Variants in ITGA4 observed in about 807,000 individuals in gnomAD.
ITGA4 encodes the protein integrin subunit alpha 4.
In ITGA4, 63 loss-of-function variants were observed where a neutral mutation model predicts 133.6. The ratio of observed to expected loss-of-function variants is 0.47; its 90% confidence interval spans 0.38 to 0.58. The LOEUF (loss-of-function observed/expected upper bound fraction) is 0.58, where lower values mean the gene tolerates loss of function less well. Among genes scored for constraint, ITGA4 ranks in the 20% least tolerant of loss-of-function variants. The pLI, the probability that ITGA4 is intolerant of heterozygous loss-of-function variation, is 0.00. For synonymous variants in ITGA4, 483 were observed against 438.0 expected (o/e 1.10, Z -1.28); for missense variants, 1,076 against 1,252.7 (o/e 0.86, Z 2.13).
At chr2:181,475,709 T>G in intron 4 of ITGA4, 1 of 1,391,982 alleles carries the variant, frequency 7.2e-7, no homozygotes, top group Non-Finnish European at 9.6e-7. Flanking sequence ...TAAGCAAATC[T>G]TTCATTCGCA....
chr2:181,523,263 C>T lies in ITGA4; in HGVS notation c.2074-174C>T, dbSNP rs950242532. ...ATACACATACATATATACACACATG[C>T]ACACATATTTATATCATATGTCTAT... On this transcript the variant is annotated intron_variant, in intron 18 of 27. Transcript: ENST00000397033. The surrounding 1 kb of genome is among the most constrained non-coding windows in gnomAD (Gnocchi z 4.2). 9 of 524,326 alleles carry T rather than the reference C, an allele frequency of 1.7e-5. No homozygotes were observed. The highest frequency in any genetic ancestry group is 1.2e-4 in the African/African-American group (6 of 51,890). 32.5% of individuals were successfully genotyped at this position (524,326 alleles called of 1,614,324 possible). A position where few individuals can be genotyped will look rare whatever the true frequency, so the allele number is the denominator to read the frequency against.
chr2:181,493,951 T>G (rs1686108427), intron 11 of ITGA4, among the ~76,000 whole-genome samples: 1 of 152,220 alleles, frequency 6.6e-6, no homozygotes, highest in Non-Finnish European at 1.5e-5. Context: ...GACATTCATA[T>G]GCAGAGAAGA....
intron 6 of ITGA4, among the ~76,000 whole-genome samples, chr2:181,480,495 A>G (rs1685778116): frequency 1.3e-5 from 2 of 152,130 alleles, no homozygotes; most frequent in South Asian, 4.1e-4. Context: ...AATTCTTAAT[A>G]GAACTCCTAG....
At position 181,537,795 on chromosome 2, in the gene ITGA4, T is replaced by C; in HGVS notation, c.*2268T>C. ...ACAGAATTTGAATTGATATTTCATC[T>C]TGACTTTTAAAGCCCTAGAGGCTAA... On this transcript the variant is annotated 3_prime_UTR_variant, in exon 28 of 28. Transcript: ENST00000397033. 1 of 461,858 alleles carries C rather than the reference T, an allele frequency of 2.2e-6. No individual in the cohort carries two copies. Among genetic ancestry groups the C allele is most frequent in the Non-Finnish European group, 4.3e-6 (1 of 233,626 alleles). 28.6% of individuals were successfully genotyped at this position (461,858 alleles called of 1,614,324 possible). A position where few individuals can be genotyped will look rare whatever the true frequency, so the allele number is the denominator to read the frequency against.
rs114784987 is a variant in ITGA4 at position 181,538,537 on chromosome 2, T to G, written c.*3010T>G. Among the ~76,000 whole-genome samples the G allele has an allele frequency of 9.6e-3, 1,455 of 152,266 alleles. 27 individuals are homozygous for G. Among genetic ancestry groups the G allele is most frequent in the African/African-American group, 0.033 (1,367 of 41,558 alleles). On this transcript the variant is annotated 3_prime_UTR_variant, in exon 28 of 28. Coordinates refer to ENST00000397033, the MANE Select transcript of ITGA4 (RefSeq NM_000885.6). ...TGTCTAGTGGGCACCCCTGCATGCTTCTTCTAACCACTGAGTGTCACAATG... is the reference window on the plus strand; with the variant it reads ...TGTCTAGTGGGCACCCCTGCATGCTGCTTCTAACCACTGAGTGTCACAATG...
chr2:181,524,419 A>G (rs1320236294), intron 20 of ITGA4, 169 bp downstream of exon 20: 6 of 505,588 alleles, frequency 1.2e-5, no homozygotes, highest in East Asian at 3.4e-5. Context: ...GTTACTGGCA[A>G]TGTTTTAGCT....
intron 2 of ITGA4, among the ~76,000 whole-genome samples, chr2:181,468,492 T>A (rs1235148691): frequency 6.6e-6 from 1 of 152,164 alleles, no homozygotes; most frequent in East Asian, 1.9e-4. Context: ...GCTGTGGGAA[T>A]GCTGCTGTCA....
rs887327268 is a variant in ITGA4, at chr2:181,525,172, A to T, written c.2250-30A>T. 2.3e-6 allele frequency: 3 copies of T among 1,287,198 alleles called. No homozygotes were observed. The African/African-American group carries it at 4.4e-5, about 19-fold the overall frequency. The allele number at this position is 1,287,198 out of a possible 1,614,324, so 79.7% of individuals were successfully genotyped here. A position where few individuals can be genotyped will look rare whatever the true frequency, so the allele number is the denominator to read the frequency against. On this transcript the variant is annotated intron_variant, in intron 20 of 27. Coordinates refer to ENST00000397033, the MANE Select transcript of ITGA4 (RefSeq NM_000885.6). ...CTCTGAAGATTTTTCTGCTTGGTGA[A>T]TTCTAACAGGGTGTTTTCTGTTTGT... is the stretch of plus-strand genomic sequence containing the variant.
At chr2:181,496,056 G>A (rs1426959195) in intron 14 of ITGA4, 119 bp downstream of exon 14, 8 of 955,008 alleles carry the variant, frequency 8.4e-6, no homozygotes, top group Non-Finnish European at 1.3e-5. Context: ...GCGGGGGAGA[G>A]AAGCTACCTG....
chr2:181,500,237 G>A (rs760115157), intron 15 of ITGA4, among the ~76,000 whole-genome samples: 21 of 152,150 alleles, frequency 1.4e-4, no homozygotes, highest in South Asian at 2.1e-4. Flanking sequence ...TTTAAAACTC[G>A]TATATAGAAA....
chr2:181,498,433 A>G (rs1686201666), intron 14 of ITGA4, 190 bp from the exon 15 acceptor site: 2 of 351,162 alleles, frequency 5.7e-6, no homozygotes, highest in Non-Finnish European at 1.0e-5. Flanking sequence ...TATAAAAGCA[A>G]TTTTTAAAAT....
chr2:181,503,119 C>G (rs945395005), intron 15 of ITGA4, among the ~76,000 whole-genome samples: 1 of 151,922 alleles, frequency 6.6e-6, no homozygotes, highest in African/African-American at 2.4e-5. Flanking sequence ...AATACAAAAG[C>G]CCTTGGAGAC....
intron 17 of ITGA4, among the ~76,000 whole-genome samples, chr2:181,512,794 A>G (rs1052224675): frequency 3.3e-5 from 5 of 152,110 alleles, no homozygotes; most frequent in African/African-American, 1.2e-4. Context: ...GTGCAGAAGT[A>G]GCCAAATGAC....
rs149457755 is a variant in ITGA4, at chr2:181,537,701, G to C, written c.*2174G>C. ...AGGTTAAATATTGATGTATTATGAT[G>C]GTTGCAAAGTTTTTTTGTGTGTCCA... On this transcript the variant is annotated 3_prime_UTR_variant, in exon 28 of 28. Transcript: ENST00000397033. The C allele has an allele frequency of 2.3e-6, 1 of 426,098 alleles. No homozygotes were observed. The highest frequency in any genetic ancestry group is 1.7e-5 in the South Asian group (1 of 59,448). The allele number at this position is 426,098 out of a possible 1,614,324, so 26.4% of individuals were successfully genotyped here.
At chr2:181,470,498 G>A (rs917849905) in intron 2 of ITGA4, among the ~76,000 whole-genome samples, 1 of 152,144 alleles carries the variant, frequency 6.6e-6, no homozygotes, top group African/African-American at 2.4e-5. Context: ...ACCCAGACAT[G>A]TCAAGTCTGA....
At chr2:181,487,995 C>A (rs2105738539) in intron 10 of ITGA4, among the ~76,000 whole-genome samples, 1 of 152,286 alleles carries the variant, frequency 6.6e-6, no homozygotes, top group East Asian at 1.9e-4. Flanking sequence ...TCTATGATTT[C>A]TCTGTCTTGT....
intron 4 of ITGA4, 34 bp downstream of exon 4, chr2:181,475,322 A>T (rs199869160): frequency 6.5e-7 from 1 of 1,542,108 alleles, no homozygotes; most frequent in Non-Finnish European, 8.9e-7. Context: ...TTAGATAAAG[A>T]TAAGTAAGTG....
At chr2:181,469,733 C>T in intron 2 of ITGA4, among the ~76,000 whole-genome samples, 1 of 151,952 alleles carries the variant, frequency 6.6e-6, no homozygotes, top group Middle Eastern at 3.2e-3. Context: ...TACTATGCAG[C>T]CATAAAAAAG....
intron 15 of ITGA4, among the ~76,000 whole-genome samples, chr2:181,506,412 G>A (rs182267028): frequency 0.014 from 2,103 of 152,114 alleles, 20 homozygotes; most frequent in Non-Finnish European, 0.022. Context: ...CCTATTTTCA[G>A]ATAACATAAC....
Sources: gnomAD v4.1 joint callset for allele counts (sites outside exome capture counted in the v4.1 genomes callset) on GRCh38, gnomAD v4.1.1 for gene constraint, Gnocchi (gnomAD v3.1) non-coding constraint, MANE v1.5 for transcripts, NCBI Gene and HGNC (gene_info 2026-07-23, HGNC 2026-07-21) for gene names.